UBE2E2: variants seen among roughly 807,000 people sequenced by gnomAD.
UBE2E2 encodes the protein ubiquitin conjugating enzyme E2 E2.
A neutral mutation model predicts 24.7 loss-of-function variants in UBE2E2; 6 were observed. The observed-to-expected ratio is 0.24, with a 90% CI of 0.13 to 0.48. UBE2E2 has a LOEUF of 0.48. UBE2E2 is among the 20% of genes least tolerant of loss of function. The probability of loss-of-function intolerance (pLI) is 0.99; values close to 1 mark genes in which losing one functional copy is unlikely to be tolerated. For synonymous variants in UBE2E2, 104 were observed against 83.6 expected, an observed-to-expected ratio of 1.24 and a Z score of -1.33; for missense variants, 169 against 245.0, an observed-to-expected ratio of 0.69 and a Z score of 2.07.
chr3:23,361,957 A>G (rs1696127055), intron 3 of UBE2E2, among the ~76,000 whole-genome samples: 1 of 152,232 alleles, frequency 6.6e-6, no homozygotes, highest in Non-Finnish European at 1.5e-5. Context: ...TAAAAGTTTT[A>G]ATTGTATACA....
chr3:23,383,462 A>G (rs1188953181), intron 3 of UBE2E2, among the ~76,000 whole-genome samples: 1 of 132,782 alleles, frequency 7.5e-6, no homozygotes, highest in Non-Finnish European at 1.7e-5. Context: ...AGAGATGAGC[A>G]TTTTATCCCC....
At chr3:23,560,828 C>T (rs977633781) in intron 5 of UBE2E2, among the ~76,000 whole-genome samples, 1 of 152,158 alleles carries the variant, frequency 6.6e-6, no homozygotes, top group African/African-American at 2.4e-5. Flanking sequence ...TGATGATGAG[C>T]ATTTTTTTCA....
intron 3 of UBE2E2, among the ~76,000 whole-genome samples, chr3:23,484,946 G>C (rs2125444805): frequency 6.6e-6 from 1 of 152,268 alleles, no homozygotes; most frequent in Non-Finnish European, 1.5e-5. Flanking sequence ...GAAGAAATTT[G>C]GGTGGGAACA....
intron 3 of UBE2E2, among the ~76,000 whole-genome samples, chr3:23,349,712 G>C (rs1695675288): frequency 1.3e-5 from 2 of 152,228 alleles, no homozygotes; most frequent in South Asian, 4.1e-4. Context: ...GGCTTGCTTA[G>C]GTAAACAAAG....
intron 3 of UBE2E2, among the ~76,000 whole-genome samples, chr3:23,395,736 C>G (rs531732365): frequency 6.6e-6 from 1 of 152,300 alleles, no homozygotes; most frequent in South Asian, 2.1e-4. Context: ...TTATTCTGAA[C>G]TGCAAAACTA....
intron 3 of UBE2E2, among the ~76,000 whole-genome samples, chr3:23,460,001 G>A (rs772668888): frequency 1.3e-5 from 2 of 152,144 alleles, no homozygotes; most frequent in Non-Finnish European, 2.9e-5. Flanking sequence ...GGTAGGGGTC[G>A]AGTGCTTGTC....
At chr3:23,318,246 C>T (rs1694637872) in intron 3 of UBE2E2, among the ~76,000 whole-genome samples, 1 of 152,072 alleles carries the variant, frequency 6.6e-6, no homozygotes, top group Non-Finnish European at 1.5e-5. Flanking sequence ...CTTACTGCAG[C>T]CTCAGCCTCC....
intron 5 of UBE2E2, among the ~76,000 whole-genome samples, chr3:23,562,509 G>A (rs566746441): frequency 4.0e-4 from 61 of 152,236 alleles, no homozygotes; most frequent in African/African-American, 1.3e-3. Context: ...ATGTTCATCA[G>A]GGATATTGGT....
intron 5 of UBE2E2, among the ~76,000 whole-genome samples, chr3:23,587,798 A>C (rs956879600): frequency 5.3e-5 from 8 of 152,246 alleles, no homozygotes; most frequent in African/African-American, 1.9e-4. Flanking sequence ...GACTGGGTGA[A>C]ATGGTAGAGT....
chr3:23,272,353 C>T (rs1334499735), intron 3 of UBE2E2, among the ~76,000 whole-genome samples: 3 of 151,986 alleles, frequency 2.0e-5, no homozygotes, highest in Non-Finnish European at 4.4e-5. Context: ...CCAAGAGCAA[C>T]GCACGCAGCC....
At chr3:23,213,331 C>T (rs1245435769) in intron 2 of UBE2E2, among the ~76,000 whole-genome samples, 1 of 151,964 alleles carries the variant, frequency 6.6e-6, no homozygotes, top group African/African-American at 2.4e-5. Flanking sequence ...TTCGTATCTT[C>T]TCTGTTCTGT....
chr3:23,450,565 G>A (rs141226476), intron 3 of UBE2E2, among the ~76,000 whole-genome samples: 213 of 152,040 alleles, frequency 1.4e-3, no homozygotes, highest in African/African-American at 4.8e-3. Context: ...TAAAAGTGAG[G>A]AAATAAATTA....
chr3:23,489,103 C>A (rs183440753), intron 3 of UBE2E2, among the ~76,000 whole-genome samples: 2 of 152,152 alleles, frequency 1.3e-5, no homozygotes, highest in Admixed American at 1.3e-4. Context: ...AGAATTAGAG[C>A]AGTGGTCCCC....
chr3:23,507,674 T>C (rs1694488296), intron 4 of UBE2E2, among the ~76,000 whole-genome samples: 1 of 152,182 alleles, frequency 6.6e-6, no homozygotes, highest in African/African-American at 2.4e-5. Context: ...ATAGAGAAGG[T>C]TGAGGTTGCT....
chr3:23,323,391 C>T (rs186814060), intron 3 of UBE2E2: 76 of 253,402 alleles, frequency 3.0e-4, no homozygotes, highest in African/African-American at 1.7e-3. Flanking sequence ...TTATTCTAGA[C>T]GATTTAAGAA....
At chr3:23,340,781 A>G (rs1695361338) in intron 3 of UBE2E2, among the ~76,000 whole-genome samples, 3 of 152,170 alleles carry the variant, frequency 2.0e-5, no homozygotes. Flanking sequence ...TGAAATACTG[A>G]AAGTCAGAAA....
At chr3:23,274,372 G>A in intron 3 of UBE2E2, among the ~76,000 whole-genome samples, 1 of 151,834 alleles carries the variant, frequency 6.6e-6, no homozygotes, top group East Asian at 1.9e-4. Context: ...TATGAACAGA[G>A]TGACGAGTCC....
intron 3 of UBE2E2, among the ~76,000 whole-genome samples, chr3:23,291,849 A>ATTTTTTTTTTTTTTTTTTTTTTTT (rs57708620): frequency 1.6e-5 from 1 of 64,054 alleles, no homozygotes; most frequent in African/African-American, 7.1e-5. Flanking sequence ...TGCCCGGCTA[A>ATTTTTTTTTTTTTTTTTTTTTTTT]TTTTTTTTTT....
At chr3:23,265,224 GATGCTGCAAGGTGAGT>G (rs1698013582) in intron 3 of UBE2E2, among the ~76,000 whole-genome samples, 1 of 152,184 alleles carries the variant, frequency 6.6e-6, no homozygotes, top group Admixed American at 6.5e-5. Flanking sequence ...AGTAATGATT[GATGCTGCAAGGTGAGT>G]ATGGTTGAAC....
Sources: gnomAD v4.1 joint callset for allele counts (sites outside exome capture counted in the v4.1 genomes callset) on GRCh38, gnomAD v4.1.1 for gene constraint, MANE v1.5 for transcripts, NCBI Gene and HGNC (gene_info 2026-07-23, HGNC 2026-07-21) for gene names.